Variants in TNFRSF1B observed in about 807,000 individuals in gnomAD.
TNFRSF1B encodes tumor necrosis factor receptor superfamily member 1B.
TNFRSF1B carries 19 observed loss-of-function variants against 44.6 expected under a neutral mutation model. The observed-to-expected ratio is 0.43, with a 90% CI of 0.30 to 0.62. The LOEUF (loss-of-function observed/expected upper bound fraction) is 0.62. TNFRSF1B is among the 20% of genes least tolerant of loss of function. The probability of loss-of-function intolerance (pLI) is 0.16; values close to 1 mark genes in which losing one functional copy is unlikely to be tolerated. For missense variants in TNFRSF1B, 541 were observed against 619.9 expected, an observed-to-expected ratio of 0.87 and a Z score of 1.35; for synonymous variants, 252 against 261.1, an observed-to-expected ratio of 0.97 and a Z score of 0.34.
At chr1:12,174,160 T>TC (rs1638590925) in intron 1 of TNFRSF1B, among the ~76,000 whole-genome samples, 2 of 67,832 alleles carry the variant, frequency 2.9e-5, no homozygotes, top group Non-Finnish European at 6.1e-5. Flanking sequence ...TTCTTCTTCT[T>TC]CTTCTCCTTC....
chr1:12,172,146 C>T (rs941143091), intron 1 of TNFRSF1B, among the ~76,000 whole-genome samples: 4 of 152,122 alleles, frequency 2.6e-5, no homozygotes, highest in African/African-American at 4.8e-5. Flanking sequence ...TACCCAGAAG[C>T]GGGCAAGGAG....
intron 9 of TNFRSF1B, among the ~76,000 whole-genome samples, chr1:12,205,362 G>T (rs371986199): frequency 6.6e-6 from 1 of 152,256 alleles, no homozygotes; most frequent in African/African-American, 2.4e-5. Context: ...GGCAGGAGAG[G>T]GGGTGGGAGA....
intron 8 of TNFRSF1B, among the ~76,000 whole-genome samples, chr1:12,196,879 C>G (rs1209030099): frequency 6.6e-6 from 1 of 152,206 alleles, no homozygotes; most frequent in Admixed American, 6.5e-5. Flanking sequence ...AAGCGTTTCC[C>G]AATCCTCTGT....
intron 8 of TNFRSF1B, among the ~76,000 whole-genome samples, chr1:12,198,666 T>C (rs1639321569): frequency 7.3e-6 from 1 of 136,944 alleles, no homozygotes; most frequent in Admixed American, 7.2e-5. Flanking sequence ...GGGTGCTGGC[T>C]GGCTGGCTGG....
chr1:12,174,169 TCTC>T (rs1557623722), intron 1 of TNFRSF1B, among the ~76,000 whole-genome samples: 1 of 60,484 alleles, frequency 1.7e-5, no homozygotes, highest in Admixed American at 1.7e-4. Context: ...TTCTTCTCCT[TCTC>T]CTTCTCCTTC....
chr1:12,208,538 A>G lies in TNFRSF1B; in HGVS notation c.*1518A>G, dbSNP rs970739348. 2.6e-5 allele frequency: 4 copies of G among 152,368 alleles called. No individual in the cohort carries two copies. The highest frequency in any genetic ancestry group is 4.8e-5 in the African/African-American group (2 of 41,456). 9.4% of individuals were successfully genotyped at this position (152,368 alleles called of 1,614,324 possible). A position where few individuals can be genotyped will look rare whatever the true frequency, so the allele number is the denominator to read the frequency against. On this transcript the variant is annotated 3_prime_UTR_variant, in exon 10 of 10. Coordinates refer to ENST00000376259, the MANE Select transcript of TNFRSF1B (RefSeq NM_001066.3). ...CATTAGAGTCAGCCTTCCCCCTCCC[A>G]GGGCCAGGGCCCTGCAGAGGGGAAA... is the stretch of plus-strand genomic sequence containing the variant.
chr1:12,167,044 G>A lies in TNFRSF1B; in HGVS notation c.-48G>A. The stretch of plus-strand genomic sequence containing the variant: ...CTGGAGAGAAGGCGCTGGGCTGCGA[G>A]GGCGCGAGGGCGCGAGGGCAGGGGG... On this transcript the variant is annotated 5_prime_UTR_variant, in exon 1 of 10. Coordinates refer to ENST00000376259, the MANE Select transcript of TNFRSF1B (RefSeq NM_001066.3). The A allele has an allele frequency of 1.6e-6, 2 of 1,218,978 alleles. No individual in the cohort carries two copies. Among genetic ancestry groups the A allele is most frequent in the South Asian group, 2.6e-5 (1 of 37,976 alleles). The allele number at this position is 1,218,978 out of a possible 1,614,324, so 75.5% of individuals were successfully genotyped here.
At position 12,177,002 on chromosome 1, in the gene TNFRSF1B, C is replaced by T. The variant is rs1248844295; in HGVS notation, c.78+9833C>T. ...GCCCTGAGCCCTGAGCCCAATGGAC[C>T]GATTCTGTTTTTTTTTTGAGATGGA... On this transcript the variant is annotated intron_variant, in intron 1 of 9. Coordinates refer to ENST00000376259, the MANE Select transcript of TNFRSF1B (RefSeq NM_001066.3). This position sits in a 1 kb window ranked among gnomAD's most constrained non-coding sequence, Gnocchi z 4.3. Among the ~76,000 whole-genome samples the T allele has an allele frequency of 2.0e-5, 3 of 151,806 alleles. No individual in the cohort carries two copies. Among genetic ancestry groups the T allele is most frequent in the African/African-American group, 7.3e-5 (3 of 41,332 alleles).
intron 1 of TNFRSF1B, among the ~76,000 whole-genome samples, chr1:12,174,163 T>TCTC (rs771177565): frequency 1.6e-5 from 1 of 62,688 alleles, no homozygotes; most frequent in Admixed American, 1.8e-4. Context: ...TTCTTCTTCT[T>TCTC]CTCCTTCTCC....
chr1:12,183,683 T>TC (rs1638875954), intron 1 of TNFRSF1B, among the ~76,000 whole-genome samples: 1 of 129,922 alleles, frequency 7.7e-6, no homozygotes, highest in Admixed American at 7.5e-5. Context: ...TATCTATCTA[T>TC]CTATCTATCT....
At position 12,208,310 on chromosome 1, in the gene TNFRSF1B, C is replaced by G. The variant is rs1275081963; in HGVS notation, c.*1290C>G. Reference sequence around the variant, plus strand: ...CTCAGCCTAGACCCTCCTCCTCCCCCAGAGGGGTGGGTTCCTCTTCCCCAC... The same window carrying G: ...CTCAGCCTAGACCCTCCTCCTCCCCGAGAGGGGTGGGTTCCTCTTCCCCAC... On this transcript the variant is annotated 3_prime_UTR_variant, in exon 10 of 10. Coordinates refer to ENST00000376259, the MANE Select transcript of TNFRSF1B (RefSeq NM_001066.3). The G allele has an allele frequency of 6.5e-6, 1 of 152,814 alleles. No homozygotes were observed. The highest frequency in any genetic ancestry group is 2.4e-5 in the African/African-American group (1 of 41,472). 9.5% of individuals were successfully genotyped at this position (152,814 alleles called of 1,614,324 possible).
Position 12,206,957 on chromosome 1 carries a change from G to A in TNFRSF1B, c.1323G>A (p.Leu441=), listed in dbSNP as rs1639518348. The A allele has an allele frequency of 1.9e-6, 3 of 1,612,750 alleles. No individual in the cohort carries two copies. Among genetic ancestry groups the A allele is most frequent in the East Asian group, 4.5e-5 (2 of 44,824 alleles). ...RSQLETPETL[L]GSTEEKPLPL... is the part of the protein sequence containing the mutation. ...AGCTGGAGACGCCAGAGACCCTGCTGGGGAGCACCGAAGAGAAGCCCCTGC... is the reference window on the plus strand; with the variant it reads ...AGCTGGAGACGCCAGAGACCCTGCTAGGGAGCACCGAAGAGAAGCCCCTGC... Residue 441 remains leucine (L), a synonymous_variant, in exon 10 of 10, where the codon CTG becomes CTA. Coordinates refer to ENST00000376259, the MANE Select transcript of TNFRSF1B (RefSeq NM_001066.3).
intron 1 of TNFRSF1B, among the ~76,000 whole-genome samples, chr1:12,176,248 C>T (rs911375692): frequency 4.0e-5 from 6 of 151,778 alleles, no homozygotes; most frequent in Non-Finnish European, 7.4e-5. Flanking sequence ...AAACAAAAAC[C>T]GAATATTAGA....
chr1:12,206,846 A>G lies in TNFRSF1B; in HGVS notation c.1212A>G (p.Thr404=), dbSNP rs1484628886. The change falls in exon 10 of 10, where the codon ACA becomes ACG. Residue 404 remains threonine, a synonymous_variant. Transcript: ENST00000376259. ...AGTGCTCCTCCCAAGCCAGCTCCAC[A>G]ATGGGAGACACAGATTCCAGCCCCT... ...SSQCSSQASS[T]MGDTDSSPSE... 1.2e-6 allele frequency: 2 copies of G among 1,614,136 alleles called. No individual in the cohort carries two copies. The highest frequency in any genetic ancestry group is 1.7e-6 in the Non-Finnish European group (2 of 1,180,008).
intron 1 of TNFRSF1B, among the ~76,000 whole-genome samples, chr1:12,183,756 G>GCTAGCTAT (rs1638902068): frequency 1.2e-5 from 1 of 82,686 alleles, no homozygotes; most frequent in African/African-American, 4.0e-5. Context: ...TATCTAGCTA[G>GCTAGCTAT]CTAGCTAGCT....
At chr1:12,188,685 G>A (rs2101101554) in intron 1 of TNFRSF1B, 111 bp from the exon 2 acceptor site, 2 of 987,008 alleles carry the variant, frequency 2.0e-6, no homozygotes, top group East Asian at 2.5e-5. Context: ...CATCATCAGT[G>A]CAGACTGGCA....
At position 12,180,106 on chromosome 1, in the gene TNFRSF1B, C is replaced by G. The variant is rs914860478; in HGVS notation, c.79-8690C>G. ...GGAGCATGACCTCTTCCCAAGGGTA[C>G]GGCATCTAAAAGGGATCTCCGGAAC... On this transcript the variant is annotated intron_variant, in intron 1 of 9. Coordinates refer to ENST00000376259, the MANE Select transcript of TNFRSF1B (RefSeq NM_001066.3). The surrounding 1 kb of genome is among the most constrained non-coding windows in gnomAD (Gnocchi z 4.3). Among the ~76,000 whole-genome samples the G allele has an allele frequency of 6.6e-6, 1 of 151,898 alleles. No homozygotes were observed. Among genetic ancestry groups the G allele is most frequent in the Admixed American group, 6.6e-5 (1 of 15,260 alleles).
chr1:12,192,178 A>C (rs1639152503), intron 4 of TNFRSF1B, among the ~76,000 whole-genome samples: 1 of 152,218 alleles, frequency 6.6e-6, no homozygotes, highest in Non-Finnish European at 1.5e-5. Flanking sequence ...AAGCTAGGAA[A>C]GTTATGTGAT....
chr1:12,207,056 G>T lies in TNFRSF1B; in HGVS notation c.*36G>T. 1 of 1,528,588 alleles carries T rather than the reference G, an allele frequency of 6.5e-7. No individual in the cohort carries two copies. The highest frequency in any genetic ancestry group is 8.8e-7 in the Non-Finnish European group (1 of 1,134,024). The allele number at this position is 1,528,588 out of a possible 1,614,324, so 94.7% of individuals were successfully genotyped here. On this transcript the variant is annotated 3_prime_UTR_variant, in exon 10 of 10. Transcript: ENST00000376259. ...GTGGGCTGTGTCGTAGCCAAGGTGG[G>T]CTGAGCCCTGGCAGGATGACCCTGC...
Sources: gnomAD v4.1 joint callset for allele counts (sites outside exome capture counted in the v4.1 genomes callset) on GRCh38, gnomAD v4.1.1 for gene constraint, Gnocchi (gnomAD v3.1) non-coding constraint, MANE v1.5 for transcripts, NCBI Gene and HGNC (gene_info 2026-07-23, HGNC 2026-07-21) for gene names.